Variants in IGSF9B observed in about 807,000 individuals in gnomAD.
The protein encoded by IGSF9B is protein turtle homolog B.
A neutral mutation model predicts 143.7 loss-of-function variants in IGSF9B; 48 were observed. The ratio of observed to expected loss-of-function variants is 0.33; its 90% CI spans 0.26 to 0.42. The LOEUF is 0.42. Among genes scored for constraint, IGSF9B ranks in the 20% least tolerant of loss-of-function variants. The pLI is 1.00. For missense variants in IGSF9B, 1,706 were observed against 1,980.0 expected (o/e 0.86, Z 2.63); for synonymous variants, 903 against 833.1 (o/e 1.08, Z -1.44).
Position 133,925,962 on chromosome 11 carries a change from A to C in IGSF9B, c.1811T>G (p.Phe604Cys). ...CAGGGGTTCTGGAGTTGTAATAGGG[A>C]ATGCTGCGGCGGGGGAAGGAGAAGA... ...SEVVTVNTLAFPITTPEPLVL... is the reference protein window; with the variant it reads ...SEVVTVNTLACPITTPEPLVL... Residue 604 changes from phenylalanine (F) to cysteine (C), a missense_variant, in exon 14 of 20, where the codon TTC becomes TGC. Physicochemically the swap from Phe to Cys is radical, Grantham distance 205. This residue lies in a region of IGSF9B where 267 missense variants were observed against 321.1 expected (regional missense o/e 0.83). Transcript: ENST00000533871. The C allele has an allele frequency of 6.3e-7, 1 of 1,594,210 alleles. No homozygotes were observed. Among genetic ancestry groups the C allele is most frequent in the Non-Finnish European group, 8.5e-7 (1 of 1,169,756 alleles).
chr11:133,949,794 T>A (rs1940126139), intron 1 of IGSF9B, among the ~76,000 whole-genome samples: 1 of 151,328 alleles, frequency 6.6e-6, no homozygotes, highest in Admixed American at 6.6e-5. Flanking sequence ...GCTGAGCCCC[T>A]CTCCATCACA....
chr11:133,925,666 G>T, intron 14 of IGSF9B, 73 bp downstream of exon 14: 1 of 1,330,054 alleles, frequency 7.5e-7, no homozygotes, highest in Non-Finnish European at 1.1e-6. Flanking sequence ...GTCACTCAAA[G>T]CTTCCAGTGC....
At position 133,928,566 on chromosome 11, in the gene IGSF9B, A is replaced by G. The variant is rs1236871702; in HGVS notation, c.1631+1105T>C. ...CCCCCTCCTCGAGTTGAGCCTGGCT[A>G]GAGAGACACCTGCAGGTGAGACAGG... On this transcript the variant is annotated intron_variant, in intron 12 of 19. Coordinates refer to ENST00000533871, the MANE Select transcript of IGSF9B (RefSeq NM_001277285.4). The surrounding 1 kb of genome is among the most constrained non-coding windows in gnomAD (Gnocchi z 4.7). Among the ~76,000 whole-genome samples the G allele has an allele frequency of 6.6e-6, 1 of 151,870 alleles. No individual in the cohort carries two copies. The highest frequency in any genetic ancestry group is 1.5e-5 in the Non-Finnish European group (1 of 67,950).
intron 1 of IGSF9B, among the ~76,000 whole-genome samples, chr11:133,946,791 C>T (rs1046523819): frequency 1.3e-5 from 2 of 152,046 alleles, no homozygotes; most frequent in Non-Finnish European, 2.9e-5. Flanking sequence ...CAGCTCAGCC[C>T]GATGTGCATG....
chr11:133,922,496 A>G (rs1034742634), intron 16 of IGSF9B, 73 bp downstream of exon 16: 6 of 1,459,936 alleles, frequency 4.1e-6, no homozygotes, highest in African/African-American at 1.4e-5. Context: ...CATGCTAAAA[A>G]TGGTCCACCT....
rs1487686720 is a variant in IGSF9B, at chr11:133,902,493, C to T, written c.*6576G>A. ...ACACACCACACACAACACACACACA[C>T]ACCAGACATGCACACCACACACAGA... is the stretch of plus-strand genomic sequence containing the variant. On this transcript the variant is annotated 3_prime_UTR_variant, in exon 20 of 20. Coordinates refer to ENST00000533871, the MANE Select transcript of IGSF9B (RefSeq NM_001277285.4). 6.9e-6 allele frequency among the ~76,000 whole-genome samples: 1 copy of T among 144,892 alleles called. No homozygotes were observed. Among genetic ancestry groups the T allele is most frequent in the Non-Finnish European group, 1.5e-5 (1 of 65,658 alleles).
Position 133,937,444 on chromosome 11 carries a change from C to T in IGSF9B, c.611G>A (p.Gly204Asp). 6.2e-7 allele frequency: 1 copy of T among 1,613,874 alleles called. No individual in the cohort carries two copies. Among genetic ancestry groups the T allele is most frequent in the Non-Finnish European group, 8.5e-7 (1 of 1,179,804 alleles). Reference sequence around the variant, plus strand: ...GCTGTACGCTCGGCAGGTGTAGGCACCTCTGTCCTCCCGACTGACCGATGT... The same window carrying T: ...GCTGTACGCTCGGCAGGTGTAGGCATCTCTGTCCTCCCGACTGACCGATGT... ...TVTSVSREDR[G>D]AYTCRAYSIQ... is the part of the protein sequence containing the mutation. Residue 204 changes from glycine (G) to aspartate (D), a missense_variant, in exon 5 of 20, where the codon GGT becomes GAT. Coordinates refer to ENST00000533871, the MANE Select transcript of IGSF9B (RefSeq NM_001277285.4).
Position 133,930,844 on chromosome 11 carries a change from G to T in IGSF9B, c.1519+140C>A. 3 of 823,976 alleles carry T rather than the reference G, an allele frequency of 3.6e-6. No homozygotes were observed. The South Asian group carries it at 6.4e-5, about 18-fold the overall frequency. The allele number at this position is 823,976 out of a possible 1,614,324, so 51.0% of individuals were successfully genotyped here. A position where few individuals can be genotyped will look rare whatever the true frequency, so the allele number is the denominator to read the frequency against. ...GGCAAAGGCTGCCGGTGCTGGACGC[G>T]GAGTTCAGGGCTGCACTGACTTAGG... is the stretch of plus-strand genomic sequence containing the variant. On this transcript the variant is annotated intron_variant, in intron 11 of 19. Transcript: ENST00000533871.
At chr11:133,926,286 C>T (rs1939625593) in intron 13 of IGSF9B, among the ~76,000 whole-genome samples, 1 of 152,218 alleles carries the variant, frequency 6.6e-6, no homozygotes. Context: ...CCCTTCTTGG[C>T]CGGGGTTTGG....
In IGSF9B at chr11:133,927,012, T is replaced by C; in HGVS notation, c.1711A>G (p.Thr571Ala). 6.3e-7 allele frequency: 1 copy of C among 1,576,936 alleles called. No homozygotes were observed. Among genetic ancestry groups the C allele is most frequent in the Non-Finnish European group, 8.6e-7 (1 of 1,161,848 alleles). The part of the protein sequence containing the change: ...PPGPSWLLVD[T>A]LEPETAYQFS... ...TGGTACGCTGTCTCAGGCTCCAGGG[T>C]GTCCACCAGCAGCCAGCTGGGTCCT... Residue 571 changes from threonine (T) to alanine (A), a missense_variant, in exon 13 of 20, where the codon ACC becomes GCC. Transcript: ENST00000533871.
At chr11:133,952,040 A>C (rs774703240) in intron 1 of IGSF9B, 6 of 455,652 alleles carry the variant, frequency 1.3e-5, no homozygotes, top group African/African-American at 4.0e-5. Flanking sequence ...AGCCAGGCTG[A>C]GCGGGACCTT....
chr11:133,920,444 A>T lies in IGSF9B; in HGVS notation c.3281T>A (p.Ile1094Asn), dbSNP rs1489431908. ...ACCCTTCGGTGCCTCCAGAGACAGG[A>T]TGCCCGGGTAGGCCGCGGGCACCTG... ...SLQVPAAYPG[I>N]LSLEAPKGWA... The change falls in exon 18 of 20, where the codon ATC becomes AAC. Residue 1094 changes from isoleucine (I) to asparagine (N), a missense_variant. By Grantham distance (149) the Ile-to-Asn change is moderately radical (BLOSUM62 -3). Around this residue, in one of 7 missense-constraint regions of IGSF9B, gnomAD observed 880 missense variants for 762.9 expected, o/e 1.15. Coordinates refer to ENST00000533871, the MANE Select transcript of IGSF9B (RefSeq NM_001277285.4). 6.4e-7 allele frequency: 1 copy of T among 1,570,776 alleles called. No individual in the cohort carries two copies. The highest frequency in any genetic ancestry group is 8.6e-7 in the Non-Finnish European group (1 of 1,159,118).
chr11:133,944,617 C>T (rs762116678), intron 2 of IGSF9B, among the ~76,000 whole-genome samples: 1 of 152,240 alleles, frequency 6.6e-6, no homozygotes, highest in African/African-American at 2.4e-5. Flanking sequence ...ACTCAATGCA[C>T]TTGGCATTGA....
chr11:133,943,522 G>A (rs1939990752), intron 3 of IGSF9B, among the ~76,000 whole-genome samples: 1 of 152,112 alleles, frequency 6.6e-6, no homozygotes, highest in African/African-American at 2.4e-5. Flanking sequence ...AACTCCCAGA[G>A]CTCAGCAAGC....
chr11:133,935,939 C>A, intron 6 of IGSF9B, 114 bp downstream of exon 6: 1 of 1,420,968 alleles, frequency 7.0e-7, no homozygotes, highest in South Asian at 1.4e-5. Flanking sequence ...AGACTGCCCA[C>A]CTCCCCCAGC....
At position 133,906,241 on chromosome 11, in the gene IGSF9B, G is replaced by A. The variant is rs568975368; in HGVS notation, c.*2828C>T. Among the ~76,000 whole-genome samples the A allele has an allele frequency of 1.8e-4, 27 of 152,174 alleles. No individual in the cohort carries two copies. The highest frequency in any genetic ancestry group is 3.5e-4 in the Non-Finnish European group (24 of 68,028). ...CCATCACCCACATGCTCACAACCAC[G>A]CTGTCACACATGCCCACACCCAGCA... On this transcript the variant is annotated 3_prime_UTR_variant, in exon 20 of 20. Coordinates refer to ENST00000533871, the MANE Select transcript of IGSF9B (RefSeq NM_001277285.4).
At position 133,906,074 on chromosome 11, in the gene IGSF9B, C is replaced by T. The variant is rs536500271; in HGVS notation, c.*2995G>A. Among the ~76,000 whole-genome samples the T allele has an allele frequency of 6.6e-6, 1 of 152,304 alleles. No homozygotes were observed. Among genetic ancestry groups the T allele is most frequent in the African/African-American group, 2.4e-5 (1 of 41,568 alleles). On this transcript the variant is annotated 3_prime_UTR_variant, in exon 20 of 20. Coordinates refer to ENST00000533871, the MANE Select transcript of IGSF9B (RefSeq NM_001277285.4). ...ATCTGAGTCGTGTCTACTGCAAGGC[C>T]GCCAGACCGTAAAAGGGGAAGTTTG...
chr11:133,922,146 G>A (rs921688567), intron 17 of IGSF9B, 31 bp downstream of exon 17: 5 of 1,603,534 alleles, frequency 3.1e-6, no homozygotes, highest in Non-Finnish European at 4.3e-6. Flanking sequence ...GCCATGAACA[G>A]CACAATTCTC....
intron 1 of IGSF9B, among the ~76,000 whole-genome samples, chr11:133,949,450 T>A (rs935620816): frequency 6.6e-6 from 1 of 151,868 alleles, no homozygotes; most frequent in African/African-American, 2.4e-5. Context: ...AAAAGCTCAA[T>A]ATGAAAAAAA....
Sources: allele counts gnomAD v4.1 joint callset (sites outside exome capture counted in the v4.1 genomes callset), GRCh38; gene constraint gnomAD v4.1.1; regional missense constraint gnomAD v4.1.1; non-coding constraint Gnocchi (gnomAD v3.1); transcripts MANE v1.5; gene names NCBI Gene and HGNC (gene_info 2026-07-23, HGNC 2026-07-21).